SAMD3: variants seen among roughly 807,000 people sequenced by gnomAD.
SAMD3 encodes sterile alpha motif domain-containing protein 3.
A neutral mutation model predicts 58.5 loss-of-function variants in SAMD3; 63 were observed. That is an observed-to-expected ratio of 1.08 (90% CI 0.88 to 1.33). The LOEUF (loss-of-function observed/expected upper bound fraction) is 1.33, where lower values mean the gene tolerates loss of function less well. SAMD3 is among the 40% of genes most tolerant of loss of function. The probability of loss-of-function intolerance (pLI) is 0.00; values close to 1 mark genes in which losing one functional copy is unlikely to be tolerated. For synonymous variants in SAMD3, 220 were observed against 210.3 expected (o/e 1.05, Z -0.40); for missense variants, 604 against 608.4 (o/e 0.99, Z 0.08).
At chr6:130,170,131 T>C (rs887696278) in intron 8 of SAMD3, among the ~76,000 whole-genome samples, 2 of 152,228 alleles carry the variant, frequency 1.3e-5, no homozygotes, top group Non-Finnish European at 2.9e-5. Context: ...GCTGCACCTA[T>C]CAACCTGTCA....
At chr6:130,178,060 C>T (rs754323205) in intron 7 of SAMD3, among the ~76,000 whole-genome samples, 1 of 152,042 alleles carries the variant, frequency 6.6e-6, no homozygotes, top group Non-Finnish European at 1.5e-5. Flanking sequence ...CTGCAATCTC[C>T]ACCTCCTGGG....
chr6:130,209,103 G>C (rs550059219), intron 5 of SAMD3, among the ~76,000 whole-genome samples: 1 of 152,208 alleles, frequency 6.6e-6, no homozygotes, highest in South Asian at 2.1e-4. Context: ...TCTATCGGGA[G>C]AGTCAAGTTA....
intron 1 of SAMD3, among the ~76,000 whole-genome samples, chr6:130,337,274 C>G (rs982693461): frequency 1.3e-5 from 2 of 152,182 alleles, no homozygotes; most frequent in African/African-American, 4.8e-5. Context: ...CCTGCACACA[C>G]TTTTCTCTCT....
intron 5 of SAMD3, among the ~76,000 whole-genome samples, chr6:130,203,817 C>T (rs1365731193): frequency 6.6e-6 from 1 of 152,168 alleles, no homozygotes; most frequent in Non-Finnish European, 1.5e-5. Flanking sequence ...CTAACTGGAA[C>T]CTGCATTAAT....
At chr6:130,240,783 G>A (rs952026648) in intron 2 of SAMD3, among the ~76,000 whole-genome samples, 7 of 152,134 alleles carry the variant, frequency 4.6e-5, no homozygotes, top group Admixed American at 3.9e-4. Flanking sequence ...CACCATGTGA[G>A]GACTCAGAAA....
At chr6:130,278,759 C>A (rs1386854903) in intron 2 of SAMD3, among the ~76,000 whole-genome samples, 1 of 152,062 alleles carries the variant, frequency 6.6e-6, no homozygotes, top group African/African-American at 2.4e-5. Flanking sequence ...TTTTCCTGCA[C>A]AATAAGGAGC....
At chr6:130,247,699 T>A (rs1490844527) in intron 2 of SAMD3, among the ~76,000 whole-genome samples, 2 of 152,232 alleles carry the variant, frequency 1.3e-5, no homozygotes, top group South Asian at 2.1e-4. Context: ...CCTGTCTTTA[T>A]TGTCTGAAAT....
chr6:130,204,036 T>C (rs1366226662), intron 5 of SAMD3, among the ~76,000 whole-genome samples: 1 of 152,096 alleles, frequency 6.6e-6, no homozygotes, highest in Non-Finnish European at 1.5e-5. Flanking sequence ...ACCATTTCAT[T>C]GCAGTGGCCA....
At chr6:130,344,062 T>G (rs1777365294) in intron 1 of SAMD3, among the ~76,000 whole-genome samples, 1 of 152,226 alleles carries the variant, frequency 6.6e-6, no homozygotes, top group South Asian at 2.1e-4. Context: ...GCAAGTAACC[T>G]TCAGGGACAA....
At position 130,175,909 on chromosome 6, in the gene SAMD3, G is replaced by A. The variant is rs1462324851; in HGVS notation, c.754C>T (p.Arg252Ter). Reference sequence around the variant, plus strand: ...AGAGATTTCCTTGTCTGGCCTCTTCGGTGTCCAAATTTACACTTATTTCTA... The same window carrying A: ...AGAGATTTCCTTGTCTGGCCTCTTCAGTGTCCAAATTTACACTTATTTCTA... ...VIRNKCKFGHRRGQTRKSLAD... is the reference protein window; with the variant it reads ...VIRNKCKFGH The change falls in exon 8 of 12, where the codon CGA becomes TGA. Residue 252 changes from arginine (R) to a stop codon, truncating the protein, a stop_gained. Transcript: ENST00000439090. LOFTEE classifies it high-confidence loss of function. 1.9e-6 allele frequency: 3 copies of A among 1,612,624 alleles called. No individual in the cohort carries two copies. The highest frequency in any genetic ancestry group is 2.2e-5 in the East Asian group (1 of 44,798).
At chr6:130,285,693 T>C (rs1427932516) in intron 2 of SAMD3, among the ~76,000 whole-genome samples, 1 of 152,262 alleles carries the variant, frequency 6.6e-6, no homozygotes, top group African/African-American at 2.4e-5. Context: ...TAGTTGTATT[T>C]TCTGTTACTT....
chr6:130,349,869 C>T (rs921062780), intron 1 of SAMD3, among the ~76,000 whole-genome samples: 8 of 152,104 alleles, frequency 5.3e-5, no homozygotes, highest in Non-Finnish European at 7.4e-5. Context: ...AAAGCTTATC[C>T]ACCATGATCA....
At chr6:130,187,407 C>G (rs1299959879) in intron 5 of SAMD3, among the ~76,000 whole-genome samples, 6 of 151,894 alleles carry the variant, frequency 4.0e-5, no homozygotes, top group East Asian at 3.9e-4. Flanking sequence ...TCCAAGGAGA[C>G]AGATACTCCA....
At chr6:130,232,875 T>C (rs4897381) in intron 2 of SAMD3, among the ~76,000 whole-genome samples, 21,696 of 152,178 alleles carry the variant, frequency 0.14, 1,765 homozygotes, top group East Asian at 0.36. Flanking sequence ...ATTACAATAT[T>C]TTTCAAGATG....
In SAMD3 at chr6:130,145,437, A is replaced by ATGTT. The variant is rs1354543195; in HGVS notation, c.1196-19_1196-16dup. ...CATCTTCATGTCTGTCAAAGCAAAT[A>ATGTT]TGTTAACATGTGAAGTAAAAATAAG... On this transcript the variant is annotated splice_polypyrimidine_tract_variant and intron_variant, in intron 10 of 11. Transcript: ENST00000439090. The ATGTT allele has an allele frequency of 3.2e-6, 5 of 1,565,338 alleles. No homozygotes were observed. In the South Asian group the frequency reaches 5.6e-5, roughly 18 times the overall value.
At chr6:130,282,179 G>A (rs955181262) in intron 2 of SAMD3, among the ~76,000 whole-genome samples, 13 of 152,094 alleles carry the variant, frequency 8.5e-5, no homozygotes, top group African/African-American at 2.9e-4. Flanking sequence ...GAGATGGGGG[G>A]TAGAGAGAGA....
intron 4 of SAMD3, among the ~76,000 whole-genome samples, chr6:130,213,718 AAAAC>A (rs1446544658): frequency 3.3e-5 from 5 of 152,204 alleles, no homozygotes; most frequent in African/African-American, 9.6e-5. Context: ...CAGTGATTAA[AAAAC>A]AAACAAATAA....
At chr6:130,158,023 T>C (rs1455772781) in intron 8 of SAMD3, among the ~76,000 whole-genome samples, 3 of 152,134 alleles carry the variant, frequency 2.0e-5, no homozygotes, top group African/African-American at 4.8e-5. Context: ...TGGAAGACTT[T>C]TAAGAAAATT....
At chr6:130,354,250 G>A (rs1426966386) in intron 1 of SAMD3, among the ~76,000 whole-genome samples, 1 of 152,222 alleles carries the variant, frequency 6.6e-6, no homozygotes, top group African/African-American at 2.4e-5. Flanking sequence ...TTCAACCATT[G>A]TGGAAAGAAG....
Sources: allele counts gnomAD v4.1 joint callset (sites outside exome capture counted in the v4.1 genomes callset), GRCh38; gene constraint gnomAD v4.1.1; transcripts MANE v1.5; gene names NCBI Gene and HGNC (gene_info 2026-07-23, HGNC 2026-07-21).